The following MTM1 variants were observed in gnomAD, a reference collection of about 807,000 sequenced individuals.
MTM1 encodes the protein myotubularin.
In MTM1, 9 loss-of-function variants were observed where a neutral mutation model predicts 52.1. That is an observed-to-expected ratio of 0.17 (90% confidence interval 0.10 to 0.30). The LOEUF (loss-of-function observed/expected upper bound fraction) is 0.30, where lower values mean the gene tolerates loss of function less well. MTM1 is among the 10% of genes least tolerant of loss of function. The pLI, the probability that MTM1 is intolerant of heterozygous loss-of-function variation, is 1.00. For synonymous variants in MTM1, 136 were observed against 163.8 expected (o/e 0.83, Z 1.29); for missense variants, 277 against 470.7 (o/e 0.59, Z 3.81).
chrX:150,587,411 A>G (rs1272973069), intron 1 of MTM1, among the ~76,000 whole-genome samples: 2 of 111,762 alleles, frequency 1.8e-5, no homozygotes, highest in Non-Finnish European at 3.8e-5. Flanking sequence ...TGCAACAGAA[A>G]TGTCTGGGTA....
Position 150,671,924 on chromosome X carries a change from A to G in MTM1, c.*329A>G. 4 of 237,443 alleles carry G rather than the reference A, an allele frequency of 1.7e-5. No individual in the cohort carries two copies. The highest frequency in any genetic ancestry group is 2.9e-5 in the African/African-American group (1 of 34,870). 19.6% of individuals were successfully genotyped at this position (237,443 alleles called of 1,213,427 possible). ...TATATTTTGTGGGCTTAATTGAAACAACATTATTTTAAAATCAAAGGGGAT... is the reference window on the plus strand; with the variant it reads ...TATATTTTGTGGGCTTAATTGAAACGACATTATTTTAAAATCAAAGGGGAT... On this transcript the variant is annotated 3_prime_UTR_variant, in exon 15 of 15. Coordinates refer to ENST00000370396, the MANE Select transcript of MTM1 (RefSeq NM_000252.3).
intron 4 of MTM1, among the ~76,000 whole-genome samples, chrX:150,603,394 G>T (rs1262709003): frequency 1.8e-5 from 2 of 111,800 alleles, no homozygotes; most frequent in Non-Finnish European, 3.8e-5. Context: ...AACTCCAGCT[G>T]CAGTGTGTGT....
chrX:150,584,281 A>G (rs1234746291), intron 1 of MTM1, among the ~76,000 whole-genome samples: 4 of 109,191 alleles, frequency 3.7e-5, no homozygotes, highest in African/African-American at 1.3e-4. Flanking sequence ...AACTATATGC[A>G]TCAACATTTA....
chrX:150,567,796 C>G (rs11094635), upstream of MTM1, among the ~76,000 whole-genome samples: 26,720 of 111,441 alleles, frequency 0.24, 2,470 homozygotes, highest in South Asian at 0.38. Flanking sequence ...TCAGGTGATC[C>G]GCCTGCGTTG....
rs973052563 is a variant in MTM1, at chrX:150,577,234, G to A, written c.-11+8572G>A. 3.6e-5 allele frequency among the ~76,000 whole-genome samples: 4 copies of A among 111,954 alleles called. No individual in the cohort carries two copies. In the East Asian group the frequency reaches 1.1e-3, roughly 31 times the overall value. ...GTAGTTGATCATTTGAGTTGATTCA[G>A]TTTTTGGCCATTTTGAAAAAAAGCT... On this transcript the variant is annotated intron_variant, in intron 1 of 14. Coordinates refer to ENST00000370396, the MANE Select transcript of MTM1 (RefSeq NM_000252.3).
chrX:150,651,159 C>T (rs921599541), intron 10 of MTM1, among the ~76,000 whole-genome samples: 2 of 112,118 alleles, frequency 1.8e-5, no homozygotes, highest in Non-Finnish European at 3.8e-5. Flanking sequence ...TTCCCATTCA[C>T]AAGGTCTAAC....
chrX:150,656,183 T>C (rs1451050000), intron 10 of MTM1, among the ~76,000 whole-genome samples: 1 of 111,602 alleles, frequency 9.0e-6, no homozygotes, highest in African/African-American at 3.3e-5. Context: ...CAAAAATTTA[T>C]ATGTTGAAGT....
At chrX:150,661,605 A>G (rs2040222889) in intron 13 of MTM1, among the ~76,000 whole-genome samples, 1 of 112,190 alleles carries the variant, frequency 8.9e-6, no homozygotes, top group African/African-American at 3.2e-5. Flanking sequence ...CTCAGCCATA[A>G]AAAATGAAAT....
At chrX:150,643,936 C>G (rs1382655283) in intron 8 of MTM1, among the ~76,000 whole-genome samples, 11 of 110,471 alleles carry the variant, frequency 1.0e-4, no homozygotes. Context: ...TAATAAGCAT[C>G]CTTTTCAAAA....
At chrX:150,604,632 A>C (rs1462121499) in intron 4 of MTM1, among the ~76,000 whole-genome samples, 1 of 110,428 alleles carries the variant, frequency 9.1e-6, no homozygotes, top group Non-Finnish European at 1.9e-5. Flanking sequence ...AGACTTCATC[A>C]CATTTGCCTC....
At chrX:150,621,457 GTTGT>G (rs1378990079) in intron 6 of MTM1, among the ~76,000 whole-genome samples, 6 of 111,003 alleles carry the variant, frequency 5.4e-5, no homozygotes, top group Non-Finnish European at 1.1e-4. Flanking sequence ...GCTGCCAGTT[GTTGT>G]TTGTTTTGTT....
At chrX:150,630,568 T>G (rs1557413541) in intron 6 of MTM1, among the ~76,000 whole-genome samples, 1 of 112,622 alleles carries the variant, frequency 8.9e-6, no homozygotes, top group Non-Finnish European at 1.9e-5. Context: ...CCATTCTCTG[T>G]ATCTTCTACC....
At chrX:150,643,041 T>C (rs782155814) in intron 8 of MTM1, among the ~76,000 whole-genome samples, 1 of 112,095 alleles carries the variant, frequency 8.9e-6, no homozygotes, top group Admixed American at 9.5e-5. Flanking sequence ...TCTACATATT[T>C]ATAGATTTAC....
At chrX:150,596,625 C>T (rs1250276328) in intron 3 of MTM1, 55 bp downstream of exon 3, 7 of 1,002,124 alleles carry the variant, frequency 7.0e-6, no homozygotes, top group Non-Finnish European at 9.9e-6. Flanking sequence ...CTGGCAGGAT[C>T]AGGTGGCTTC....
At position 150,624,148 on chromosome X, in the gene MTM1, C is replaced by T. The variant is rs139216813; in HGVS notation, c.444+5009C>T. On this transcript the variant is annotated intron_variant, in intron 6 of 14. Transcript: ENST00000370396. ...ACTTGAGCTGTTCAGCAACAGAGTT[C>T]ACCCCAAACCATTAACTTCATTGTT... is the stretch of plus-strand genomic sequence containing the variant. Among the ~76,000 whole-genome samples the T allele has an allele frequency of 8.8e-3, 986 of 112,076 alleles. 11 individuals are homozygous for T. The highest frequency in any genetic ancestry group is 0.03 in the African/African-American group (916 of 30,859).
At chrX:150,600,487 C>T (rs1453493254) in intron 4 of MTM1, among the ~76,000 whole-genome samples, 13 of 111,804 alleles carry the variant, frequency 1.2e-4, no homozygotes, top group Non-Finnish European at 2.4e-4. Flanking sequence ...ACAATAGCCC[C>T]ATCTGAAGTG....
intron 10 of MTM1, among the ~76,000 whole-genome samples, chrX:150,650,326 T>C (rs2039999509): frequency 9.0e-6 from 1 of 111,257 alleles, no homozygotes; most frequent in African/African-American, 3.3e-5. Context: ...TGGTTTTGTG[T>C]TTTATTATGT....
intron 12 of MTM1, among the ~76,000 whole-genome samples, chrX:150,660,014 T>C (rs964782219): frequency 2.7e-5 from 3 of 112,033 alleles, no homozygotes; most frequent in Admixed American, 9.5e-5. Context: ...ACTAGTGGAA[T>C]TGACAATACC....
chrX:150,670,363 T>A (rs1370257532), intron 14 of MTM1, among the ~76,000 whole-genome samples: 5 of 112,262 alleles, frequency 4.5e-5, no homozygotes, highest in African/African-American at 1.3e-4. Context: ...CAATGCCATG[T>A]GAGGGCTATG....
Sources: gnomAD v4.1 joint callset for allele counts (sites outside exome capture counted in the v4.1 genomes callset) on GRCh38, gnomAD v4.1.1 for gene constraint, MANE v1.5 for transcripts, NCBI Gene and HGNC (gene_info 2026-07-23, HGNC 2026-07-21) for gene names.